The following SHISA9 variants were observed in gnomAD, a reference collection of about 807,000 sequenced individuals.
SHISA9 encodes the protein shisa family member 9.
Under a neutral mutation model 38.0 loss-of-function variants are expected in SHISA9, and 13 were observed. The observed-to-expected ratio is 0.34, with a 90% CI of 0.22 to 0.54. The LOEUF (loss-of-function observed/expected upper bound fraction) is 0.54. SHISA9 is among the 20% of genes least tolerant of loss of function. The probability of loss-of-function intolerance (pLI) is 0.91; values close to 1 mark genes in which losing one functional copy is unlikely to be tolerated. For synonymous variants in SHISA9, 275 were observed against 242.0 expected (o/e 1.14, Z -1.27); for missense variants, 538 against 575.8 (o/e 0.93, Z 0.67).
intron 2 of SHISA9, among the ~76,000 whole-genome samples, chr16:13,074,488 G>C (rs2073557663): frequency 6.6e-6 from 1 of 152,182 alleles, no homozygotes; most frequent in Non-Finnish European, 1.5e-5. Flanking sequence ...ACTAAAAATT[G>C]AGAGCATTTA....
intron 2 of SHISA9, among the ~76,000 whole-genome samples, chr16:13,178,163 T>C (rs2050747523): frequency 6.6e-6 from 1 of 152,198 alleles, no homozygotes; most frequent in Non-Finnish European, 1.5e-5. Context: ...GGGTATTTTA[T>C]TCTTCTCAAG....
chr16:13,473,642 C>T, the SHISA9 span, among the ~76,000 whole-genome samples: 1 of 152,092 alleles, frequency 6.6e-6, no homozygotes, highest in Non-Finnish European at 1.5e-5. Context: ...TGCAGTCTTT[C>T]TCCAGAAGAT....
chr16:13,184,957 G>A (rs2050807979), intron 2 of SHISA9, among the ~76,000 whole-genome samples: 1 of 152,158 alleles, frequency 6.6e-6, no homozygotes, highest in African/African-American at 2.4e-5. Context: ...ACCTAGCAGT[G>A]GGATTGGAGG....
chr16:13,324,544 T>C, the SHISA9 span, among the ~76,000 whole-genome samples: 1 of 152,180 alleles, frequency 6.6e-6, no homozygotes, highest in Non-Finnish European at 1.5e-5. Context: ...TTCACTTCTA[T>C]GAGCTGCAGG....
intron 2 of SHISA9, among the ~76,000 whole-genome samples, chr16:13,171,819 T>A (rs2050689139): frequency 6.6e-6 from 1 of 152,148 alleles, no homozygotes; most frequent in Non-Finnish European, 1.5e-5. Context: ...TGCATATATG[T>A]GTTGACATTC....
At chr16:13,545,539 T>C in the SHISA9 span, among the ~76,000 whole-genome samples, 1 of 152,154 alleles carries the variant, frequency 6.6e-6, no homozygotes, top group Non-Finnish European at 1.5e-5. Context: ...CCCCTGAGCA[T>C]GGGAAAGGCT....
At chr16:13,403,912 C>T in the SHISA9 span, among the ~76,000 whole-genome samples, 1 of 152,144 alleles carries the variant, frequency 6.6e-6, no homozygotes, top group Non-Finnish European at 1.5e-5. Flanking sequence ...CATGGTGGGT[C>T]TTCTGATGTT....
chr16:13,019,565 A>G (rs1440034806), intron 2 of SHISA9, among the ~76,000 whole-genome samples: 1 of 151,936 alleles, frequency 6.6e-6, no homozygotes, highest in African/African-American at 2.4e-5. Flanking sequence ...GGCGTTAGGT[A>G]CATTTGCAGT....
At chr16:12,989,672 A>G (rs1336222533) in intron 2 of SHISA9, among the ~76,000 whole-genome samples, 1 of 152,106 alleles carries the variant, frequency 6.6e-6, no homozygotes, top group Non-Finnish European at 1.5e-5. Flanking sequence ...TACCATTTTT[A>G]TTATGATTAG....
At chr16:13,204,568 C>A (rs888161020) in intron 3 of SHISA9, among the ~76,000 whole-genome samples, 1 of 152,200 alleles carries the variant, frequency 6.6e-6, no homozygotes, top group Non-Finnish European at 1.5e-5. Flanking sequence ...AAAGTCCATC[C>A]CATTTCTAAG....
At chr16:13,397,578 G>C in the SHISA9 span, among the ~76,000 whole-genome samples, 1 of 152,120 alleles carries the variant, frequency 6.6e-6, no homozygotes, top group Non-Finnish European at 1.5e-5. Context: ...GGAATTACAG[G>C]TGCACGCCAC....
rs564245615 is a variant in SHISA9 at position 13,069,248 on chromosome 16, T to C, written c.692-134146T>C. 2.0e-5 allele frequency among the ~76,000 whole-genome samples: 3 copies of C among 152,310 alleles called. No homozygotes were observed. In the East Asian group the frequency reaches 5.8e-4, roughly 29 times the overall value. ...GTATGCATGTATATATGTGTATGTG[T>C]ATATGTGTGTACATGCAATGTGTGC... On this transcript the variant is annotated intron_variant, in intron 2 of 4. Transcript: ENST00000558583.
chr16:13,117,625 C>T (rs569478277), intron 2 of SHISA9, among the ~76,000 whole-genome samples: 10 of 152,284 alleles, frequency 6.6e-5, no homozygotes, highest in Non-Finnish European at 1.2e-4. Flanking sequence ...GACCACACGG[C>T]AGAGATCCTG....
chr16:13,216,242 A>G (rs193084444), intron 4 of SHISA9, among the ~76,000 whole-genome samples: 1 of 151,312 alleles, frequency 6.6e-6, no homozygotes, highest in East Asian at 1.9e-4. Flanking sequence ...GCTTAGACTC[A>G]GGCATATATG....
intron 2 of SHISA9, among the ~76,000 whole-genome samples, chr16:12,975,706 T>G (rs2072152235): frequency 6.7e-6 from 1 of 149,408 alleles, no homozygotes; most frequent in African/African-American, 2.5e-5. Context: ...TAATCAGGAA[T>G]TGGTGAATTT....
chr16:12,938,639 C>T (rs555108622), intron 2 of SHISA9, among the ~76,000 whole-genome samples: 5 of 151,748 alleles, frequency 3.3e-5, no homozygotes, highest in East Asian at 2.0e-4. Flanking sequence ...CTGGGATTAC[C>T]GGCACCTGCC....
At chr16:13,212,362 G>A (rs1021180215) in intron 3 of SHISA9, among the ~76,000 whole-genome samples, 4 of 152,170 alleles carry the variant, frequency 2.6e-5, no homozygotes, top group Non-Finnish European at 5.9e-5. Context: ...CAAAGAAAAT[G>A]CGAGGTTGGT....
intron 2 of SHISA9, among the ~76,000 whole-genome samples, chr16:12,999,837 C>T (rs1170442202): frequency 1.3e-5 from 2 of 152,170 alleles, no homozygotes; most frequent in East Asian, 3.9e-4. Context: ...CCGCAATGCC[C>T]TTTCCCGCAA....
At chr16:13,469,754 A>T in the SHISA9 span, among the ~76,000 whole-genome samples, 1 of 152,036 alleles carries the variant, frequency 6.6e-6, no homozygotes, top group Non-Finnish European at 1.5e-5. Flanking sequence ...AGGCTGACAC[A>T]ATTAACCAGA....
Sources: gnomAD v4.1 joint callset for allele counts (sites outside exome capture counted in the v4.1 genomes callset) on GRCh38, gnomAD v4.1.1 for gene constraint, MANE v1.5 for transcripts, NCBI Gene and HGNC (gene_info 2026-07-23, HGNC 2026-07-21) for gene names.